The following CERS1 variants were observed in gnomAD, a reference collection of about 807,000 sequenced individuals.
The protein encoded by CERS1 is ceramide synthase 1, also known as Embryonic growth/differentiation factor 1.
Under a neutral mutation model 35.7 loss-of-function variants are expected in CERS1, and 16 were observed. That is an observed-to-expected ratio of 0.45 (90% CI 0.30 to 0.68). CERS1 has a LOEUF of 0.68. Ranked by LOEUF, CERS1 falls within the 30% of genes least tolerant of loss-of-function variation. The pLI is 0.08. For synonymous variants in CERS1, 243 were observed against 201.6 expected, an observed-to-expected ratio of 1.21 and a Z score of -1.74; for missense variants, 454 against 453.9, an observed-to-expected ratio of 1.00 and a Z score of 0.00.
chr19:18,870,103 G>A lies in CERS1; in HGVS notation c.*474C>T. On this transcript the variant is annotated 3_prime_UTR_variant, in exon 7 of 8. Coordinates refer to ENST00000623882, the MANE Select transcript of CERS1 (RefSeq NM_021267.5). This position sits in a 1 kb window ranked among gnomAD's most constrained non-coding sequence, Gnocchi z 5.1. ...CCAGACCTGGTCTCCTGGGGGTCCC[G>A]GCGTCGAAACAGGCGCCACATGACC... 1.9e-6 allele frequency: 3 copies of A among 1,570,188 alleles called. No homozygotes were observed. Among genetic ancestry groups the A allele is most frequent in the African/African-American group, 1.3e-5 (1 of 74,572 alleles).
At chr19:18,875,956 A>C (rs2056053504) in intron 6 of CERS1, among the ~76,000 whole-genome samples, 1 of 152,232 alleles carries the variant, frequency 6.6e-6, no homozygotes, top group Non-Finnish European at 1.5e-5. Flanking sequence ...AACATCTGTC[A>C]TCCAGAAATA....
intron 6 of CERS1, among the ~76,000 whole-genome samples, chr19:18,875,603 CCT>C (rs1568295315): frequency 6.6e-6 from 1 of 151,892 alleles, no homozygotes; most frequent in Admixed American, 6.6e-5. Context: ...CACCTGGAAT[CCT>C]CTCTCTGCTG....
chr19:18,885,511 GTTT>G (rs59793456), intron 2 of CERS1, among the ~76,000 whole-genome samples: 1 of 22,128 alleles, frequency 4.5e-5, no homozygotes, highest in Admixed American at 7.1e-4. Context: ...GCCCCTTCTC[GTTT>G]TTTTTTTTTT....
At position 18,872,851 on chromosome 19, in the gene CERS1, G is replaced by A. The variant is rs1205382592; in HGVS notation, c.1011-2232C>T. On this transcript the variant is annotated intron_variant, in intron 6 of 7. Transcript: ENST00000623882. ...TTTAGTAGAGATGGGATTTCACCAC[G>A]TTGGCCAGGTTGGTCTCGAACTCCT... is the stretch of plus-strand genomic sequence containing the variant. Among the ~76,000 whole-genome samples, 6 of 152,050 alleles carry A rather than the reference G, an allele frequency of 3.9e-5. No individual in the cohort carries two copies. The East Asian group carries it at 5.8e-4, about 15-fold the overall frequency.
chr19:18,878,219 C>G lies in CERS1; in HGVS notation c.1010+711G>C, dbSNP rs1437281394. 1.0e-6 allele frequency: 1 copy of G among 985,560 alleles called. No homozygotes were observed. The highest frequency in any genetic ancestry group is 1.2e-6 in the Non-Finnish European group (1 of 830,158). 61.1% of individuals were successfully genotyped at this position (985,560 alleles called of 1,614,324 possible). On this transcript the variant is annotated intron_variant, in intron 6 of 7. Coordinates refer to ENST00000623882, the MANE Select transcript of CERS1 (RefSeq NM_021267.5). The surrounding 1 kb of genome is among the most constrained non-coding windows in gnomAD (Gnocchi z 4.6). Reference sequence around the variant, plus strand: ...CCCCGGCTCCTGCTCAAACACTCCTCACGTTGCCTATGAGACACTGCACAC... The same window carrying G: ...CCCCGGCTCCTGCTCAAACACTCCTGACGTTGCCTATGAGACACTGCACAC...
Position 18,880,442 on chromosome 19 carries a change from G to T in CERS1, c.591-7C>A. 6.3e-7 allele frequency: 1 copy of T among 1,577,238 alleles called. No individual in the cohort carries two copies. The highest frequency in any genetic ancestry group is 1.8e-5 in the Admixed American group (1 of 56,012). ...GATGCCCACATTGTGGTACCTGGGG[G>T]AGCAGCAGGCAGAGAGGAGAGGGCA... On this transcript the variant is annotated splice_polypyrimidine_tract_variant and splice_region_variant and intron_variant, in intron 3 of 7. Coordinates refer to ENST00000623882, the MANE Select transcript of CERS1 (RefSeq NM_021267.5).
In CERS1 at chr19:18,868,801, C is replaced by T. The variant is rs2055902278; in HGVS notation, c.*1184G>A. On this transcript the variant is annotated 3_prime_UTR_variant, in exon 8 of 8. Coordinates refer to ENST00000623882, the MANE Select transcript of CERS1 (RefSeq NM_021267.5). ...CCGGCGGCCCCCCGGACCCCGACAG[C>T]GCGACGGGCAGCGCGCACTGACCCT... The T allele has an allele frequency of 2.1e-6, 3 of 1,457,434 alleles. No individual in the cohort carries two copies. Among genetic ancestry groups the T allele is most frequent in the East Asian group, 6.3e-5 (2 of 31,700 alleles). The allele number at this position is 1,457,434 out of a possible 1,614,324, so 90.3% of individuals were successfully genotyped here.
intron 3 of CERS1, chr19:18,881,689 A>ATG (rs1451559612): frequency 6.6e-6 from 1 of 152,326 alleles, no homozygotes; most frequent in Non-Finnish European, 1.5e-5. Flanking sequence ...CTCCTGCCAC[A>ATG]GGTCCTTTGC....
At chr19:18,872,726 G>C (rs536729310) in intron 6 of CERS1, among the ~76,000 whole-genome samples, 3 of 91,930 alleles carry the variant, frequency 3.3e-5, no homozygotes, top group Non-Finnish European at 4.8e-5. Flanking sequence ...ATGTTGGCCA[G>C]GCTGGTCTAG....
intron 7 of CERS1, among the ~76,000 whole-genome samples, 200 bp from the exon 8 acceptor site, chr19:18,869,590 G>T (rs1354579904): frequency 6.6e-6 from 1 of 151,012 alleles, no homozygotes; most frequent in South Asian, 2.1e-4. Flanking sequence ...GTGCGGCGGG[G>T]GGGGTGGGCT....
chr19:18,884,373 G>C, intron 2 of CERS1, 106 bp from the exon 3 acceptor site: 2 of 1,052,898 alleles, frequency 1.9e-6, no homozygotes, highest in Non-Finnish European at 2.7e-6. Flanking sequence ...CCAGTACCCA[G>C]GTAACCATGC....
chr19:18,893,621 G>A, intron 1 of CERS1, 46 bp from the exon 2 acceptor site: 2 of 1,564,844 alleles, frequency 1.3e-6, no homozygotes, highest in East Asian at 2.3e-5. Context: ...CTGGGGGCCA[G>A]AGACTGCTCC....
At position 18,879,208 on chromosome 19, in the gene CERS1, C is replaced by T. The variant is rs577079258; in HGVS notation, c.900+33G>A. The stretch of plus-strand genomic sequence containing the variant: ...ACAGGGATTGGGACGAGGACGGGAC[C>T]GCCACTGTGGAGGAGAGCCGGGGCC... On this transcript the variant is annotated intron_variant, in intron 5 of 7. Coordinates refer to ENST00000623882, the MANE Select transcript of CERS1 (RefSeq NM_021267.5). The T allele has an allele frequency of 3.4e-5, 55 of 1,612,218 alleles. No homozygotes were observed. The African/African-American group carries it at 4.9e-4, about 14-fold the overall frequency.
At chr19:18,871,014 G>C (rs1293474917) in intron 6 of CERS1, among the ~76,000 whole-genome samples, 1 of 151,888 alleles carries the variant, frequency 6.6e-6, no homozygotes. Context: ...CCCACCCCAC[G>C]AAGGCTAGTC....
rs939215963 is a variant in CERS1, at chr19:18,877,991, G to C, written c.1010+939C>G. The C allele has an allele frequency of 3.1e-5, 31 of 985,256 alleles. No homozygotes were observed. In the African/African-American group the frequency reaches 3.7e-4, roughly 12 times the overall value. The allele number at this position is 985,256 out of a possible 1,614,324, so 61.0% of individuals were successfully genotyped here. On this transcript the variant is annotated intron_variant, in intron 6 of 7. Transcript: ENST00000623882. ...ATGGGTTCTCCCTTCCAAACAGGGT[G>C]GGGGGTCTGACGCTCCTCTGCCTGG...
In CERS1 at chr19:18,868,896, C is replaced by G. The variant is rs1349040611; in HGVS notation, c.*1089G>C. On this transcript the variant is annotated 3_prime_UTR_variant, in exon 8 of 8. Transcript: ENST00000623882. ...TGCCAGCCCACCTCGCGGAAGCTCA[C>G]GTACAGCCGCCGCGCGCGACAAGCG... The G allele has an allele frequency of 7.1e-7, 1 of 1,412,824 alleles. No individual in the cohort carries two copies. The highest frequency in any genetic ancestry group is 1.3e-5 in the South Asian group (1 of 79,408). The allele number at this position is 1,412,824 out of a possible 1,614,324, so 87.5% of individuals were successfully genotyped here. A position where few individuals can be genotyped will look rare whatever the true frequency, so the allele number is the denominator to read the frequency against.
chr19:18,869,575 G>A (rs1039075265), intron 7 of CERS1, among the ~76,000 whole-genome samples, 185 bp from the exon 8 acceptor site: 111 of 150,232 alleles, frequency 7.4e-4, no homozygotes, highest in African/African-American at 2.6e-3. Flanking sequence ...AAGGCGCCCT[G>A]CGGGGTGCGG....
intron 3 of CERS1, among the ~76,000 whole-genome samples, chr19:18,881,058 G>A (rs1427839186): frequency 1.3e-5 from 2 of 151,728 alleles, no homozygotes; most frequent in African/African-American, 2.4e-5. Context: ...TATGACCCCC[G>A]ACTCTCACAG....
chr19:18,884,401 T>C (rs2056298103), intron 2 of CERS1, 134 bp from the exon 3 acceptor site: 1 of 756,012 alleles, frequency 1.3e-6, no homozygotes, highest in Non-Finnish European at 2.0e-6. Flanking sequence ...ACTGCTGGCT[T>C]TCCATTCCCA....
Sources: allele counts gnomAD v4.1 joint callset (sites outside exome capture counted in the v4.1 genomes callset), GRCh38; gene constraint gnomAD v4.1.1; non-coding constraint Gnocchi (gnomAD v3.1); transcripts MANE v1.5; gene names NCBI Gene and HGNC (gene_info 2026-07-23, HGNC 2026-07-21).